PTPRA: variants seen among roughly 807,000 people sequenced by gnomAD.
PTPRA encodes receptor-type tyrosine-protein phosphatase alpha.
Under a neutral mutation model 104.8 loss-of-function variants are expected in PTPRA, and 25 were observed. The observed-to-expected ratio is 0.24, with a 90% confidence interval of 0.17 to 0.33. The LOEUF (loss-of-function observed/expected upper bound fraction) is 0.33, where lower values mean the gene tolerates loss of function less well. PTPRA is among the 10% of genes least tolerant of loss of function. The pLI is 1.00. For missense variants in PTPRA, 765 were observed against 1,015.3 expected, an observed-to-expected ratio of 0.75 and a Z score of 3.35; for synonymous variants, 323 against 368.9, an observed-to-expected ratio of 0.88 and a Z score of 1.43.
rs1008100193 is a variant in PTPRA, at chr20:3,020,178, G to C, written c.1042-1131G>C. On this transcript the variant is annotated intron_variant, in intron 13 of 23. Transcript: ENST00000399903. The stretch of plus-strand genomic sequence containing the variant: ...GGCTGAAGGGCAGTGGTGCCATCTC[G>C]GCTCACTGCAAGCTCCGCCTCCCGG... Among the ~76,000 whole-genome samples, 3 of 152,156 alleles carry C rather than the reference G, an allele frequency of 2.0e-5. No homozygotes were observed. The South Asian group carries it at 6.2e-4, about 32-fold the overall frequency.
chr20:2,867,444 C>T, the PTPRA span, among the ~76,000 whole-genome samples: 3 of 152,272 alleles, frequency 2.0e-5, no homozygotes, highest in Non-Finnish European at 2.9e-5. Context: ...TAGGAGTACC[C>T]GCGGGGCCCT....
intron 9 of PTPRA, among the ~76,000 whole-genome samples, chr20:2,989,821 T>C (rs184095490): frequency 1.4e-4 from 22 of 152,016 alleles, no homozygotes; most frequent in East Asian, 5.8e-4. Flanking sequence ...ATCGAGACCA[T>C]CCTGGCTAAC....
chr20:2,939,225 A>C (rs529700351), intron 2 of PTPRA, among the ~76,000 whole-genome samples: 2 of 152,280 alleles, frequency 1.3e-5, no homozygotes, highest in East Asian at 3.8e-4. Context: ...GCTCAGAGGC[A>C]CTTTTAGGAT....
intron 2 of PTPRA, among the ~76,000 whole-genome samples, chr20:2,925,533 G>C (rs1202126587): frequency 6.6e-6 from 1 of 151,996 alleles, no homozygotes; most frequent in Non-Finnish European, 1.5e-5. Context: ...ATGGGTGTAG[G>C]CTGAGTGTGG....
intron 6 of PTPRA, among the ~76,000 whole-genome samples, chr20:2,981,557 G>C (rs1422914641): frequency 1.3e-5 from 2 of 152,194 alleles, no homozygotes; most frequent in Non-Finnish European, 2.9e-5. Flanking sequence ...AATGTCATTA[G>C]TGTGACGTTG....
chr20:2,908,220 A>G (rs945786275), intron 1 of PTPRA, among the ~76,000 whole-genome samples: 3 of 152,182 alleles, frequency 2.0e-5, no homozygotes, highest in Non-Finnish European at 4.4e-5. Flanking sequence ...AAATACTGTG[A>G]TCGGTCCTTA....
upstream of PTPRA, among the ~76,000 whole-genome samples, chr20:2,872,924 AC>A (rs2089465200): frequency 6.6e-6 from 1 of 152,060 alleles, no homozygotes; most frequent in African/African-American, 2.4e-5. This position sits in a 1 kb window ranked among gnomAD's most constrained non-coding sequence, Gnocchi z 7.9. Context: ...GGGGGAGATT[AC>A]CCTGGAGCTC....
intron 1 of PTPRA, among the ~76,000 whole-genome samples, chr20:2,915,800 C>T (rs2059883202): frequency 6.6e-6 from 1 of 152,124 alleles, no homozygotes; most frequent in Admixed American, 6.5e-5. Flanking sequence ...TCAGCCTCAG[C>T]AAGATGGTGC....
At chr20:2,865,138 G>A in the PTPRA span, 1 of 1,614,060 alleles carries the variant, frequency 6.2e-7, no homozygotes, top group Non-Finnish European at 8.5e-7. This position sits in a 1 kb window ranked among gnomAD's most constrained non-coding sequence, Gnocchi z 5.2. Context: ...CTCATTATCC[G>A]GGTCCCCAGG....
At chr20:3,008,728 TAA>T (rs763235190) in intron 11 of PTPRA, among the ~76,000 whole-genome samples, 2 of 63,670 alleles carry the variant, frequency 3.1e-5, no homozygotes, top group Non-Finnish European at 6.9e-5. Context: ...TCATCTCTAC[TAA>T]AAAAAAAAAA....
chr20:3,029,540 C>CTTTTTTTTTTT lies in PTPRA; in HGVS notation c.1920+1707_1920+1717dup, dbSNP rs71195813. Among the ~76,000 whole-genome samples the CTTTTTTTTTTT allele has an allele frequency of 2.7e-3, 208 of 78,052 alleles. 46 individuals are homozygous for CTTTTTTTTTTT. Among genetic ancestry groups the CTTTTTTTTTTT allele is most frequent in the East Asian group, 0.022 (43 of 1,992 alleles). 51.2% of individuals were successfully genotyped at this position (78,052 alleles called of 152,430 possible). The stretch of plus-strand genomic sequence containing the variant: ...GACATACTTTGTAGGTCTTCATCAT[C>CTTTTTTTTTTT]TTTTTTTTTTTTTTTTTTGAGACGG... On this transcript the variant is annotated intron_variant, in intron 20 of 23. Transcript: ENST00000399903.
At chr20:2,970,104 C>T (rs2062123663) in intron 5 of PTPRA, among the ~76,000 whole-genome samples, 1 of 151,994 alleles carries the variant, frequency 6.6e-6, no homozygotes, top group Non-Finnish European at 1.5e-5. Context: ...ATCATACTTG[C>T]TCTTTGTTTT....
At chr20:2,964,796 G>A in intron 4 of PTPRA, 65 bp from the exon 5 acceptor site, 2 of 1,398,088 alleles carry the variant, frequency 1.4e-6, no homozygotes, top group Non-Finnish European at 9.9e-7. Flanking sequence ...TTGCTGCTTT[G>A]TGTCTCACAG....
At chr20:2,867,935 T>G in the PTPRA span, among the ~76,000 whole-genome samples, 2 of 152,242 alleles carry the variant, frequency 1.3e-5, no homozygotes, top group East Asian at 3.8e-4. Flanking sequence ...TGCTCGCCAT[T>G]CATTATGTGG....
intron 2 of PTPRA, among the ~76,000 whole-genome samples, chr20:2,932,469 A>G (rs1472107788): frequency 6.6e-6 from 1 of 152,204 alleles, no homozygotes; most frequent in South Asian, 2.1e-4. Context: ...AGGGTTAGGG[A>G]TGGAAAAATG....
chr20:2,990,089 T>C (rs2063104867), intron 9 of PTPRA, among the ~76,000 whole-genome samples: 1 of 152,122 alleles, frequency 6.6e-6, no homozygotes, highest in South Asian at 2.1e-4. Flanking sequence ...GTTGCGGGAA[T>C]ACAGTTAGGG....
chr20:2,980,922 A>G (rs1021097366), intron 6 of PTPRA, among the ~76,000 whole-genome samples: 2 of 152,076 alleles, frequency 1.3e-5, no homozygotes, highest in East Asian at 3.9e-4. Context: ...TAAACCAGGA[A>G]GGGGTTCAGT....
In PTPRA at chr20:3,022,297, C is replaced by T. The variant is rs1810156325; in HGVS notation, c.1328+77C>T. 5.9e-6 allele frequency: 9 copies of T among 1,538,294 alleles called. No individual in the cohort carries two copies. The highest frequency in any genetic ancestry group is 2.4e-5 in the South Asian group (2 of 82,768). ...CCAGAGCAGGGGAACAGCACAAGGG[C>T]CCTGGCTGAGGAGGCTGGCACAGAG... On this transcript the variant is annotated intron_variant, in intron 15 of 23. Coordinates refer to ENST00000399903, the MANE Select transcript of PTPRA (RefSeq NM_001385305.1). The surrounding 1 kb of genome is among the most constrained non-coding windows in gnomAD (Gnocchi z 4.6).
chr20:2,947,835 A>G (rs2061194543), intron 2 of PTPRA, 147 bp from the exon 3 acceptor site: 2 of 383,674 alleles, frequency 5.2e-6, no homozygotes, highest in South Asian at 4.0e-5. Context: ...TTGTGAAATT[A>G]TGAGGCCAAA....
Sources: allele counts gnomAD v4.1 joint callset (sites outside exome capture counted in the v4.1 genomes callset), GRCh38; gene constraint gnomAD v4.1.1; non-coding constraint Gnocchi (gnomAD v3.1); transcripts MANE v1.5; gene names NCBI Gene and HGNC (gene_info 2026-07-23, HGNC 2026-07-21).